Variants in ARHGEF3 observed in about 807,000 individuals in gnomAD.
ARHGEF3 encodes Rho guanine nucleotide exchange factor 3.
ARHGEF3 carries 28 observed loss-of-function variants against 63.2 expected under a neutral mutation model. The observed-to-expected ratio is 0.44, with a 90% CI of 0.33 to 0.61. The LOEUF (loss-of-function observed/expected upper bound fraction) is 0.61, where lower values mean the gene tolerates loss of function less well. Among genes scored for constraint, ARHGEF3 ranks in the 20% least tolerant of loss-of-function variants. The pLI is 0.03. For missense variants in ARHGEF3, 533 were observed against 659.3 expected (o/e 0.81, Z 2.10); for synonymous variants, 266 against 254.2 (o/e 1.05, Z -0.44).
chr3:57,045,786 A>G (rs1302770899), intron 1 of ARHGEF3, among the ~76,000 whole-genome samples: 1 of 152,252 alleles, frequency 6.6e-6, no homozygotes, highest in Admixed American at 6.5e-5. Flanking sequence ...AAATGGCCCT[A>G]GAAATGGTCT....
At chr3:56,966,497 T>C (rs1700500379) in intron 2 of ARHGEF3, among the ~76,000 whole-genome samples, 1 of 152,170 alleles carries the variant, frequency 6.6e-6, no homozygotes, top group Non-Finnish European at 1.5e-5. Context: ...TAATAACATA[T>C]ATTAGCTGGT....
intron 4 of ARHGEF3, among the ~76,000 whole-genome samples, chr3:56,864,396 C>T (rs1257951382): frequency 6.6e-6 from 1 of 152,226 alleles, no homozygotes. Flanking sequence ...CTGGTTAACA[C>T]CTTACCTTCT....
At chr3:56,983,444 T>C (rs1037131621) in intron 2 of ARHGEF3, among the ~76,000 whole-genome samples, 46 of 152,340 alleles carry the variant, frequency 3.0e-4, no homozygotes, top group African/African-American at 1.1e-3. Flanking sequence ...TGGTGATCCC[T>C]GGCCTGGTGT....
chr3:56,933,515 G>C (rs2042467862), intron 3 of ARHGEF3, among the ~76,000 whole-genome samples: 1 of 151,616 alleles, frequency 6.6e-6, no homozygotes, highest in Non-Finnish European at 1.5e-5. Flanking sequence ...GACCTCCTGG[G>C]CTCAGGTGAT....
At chr3:56,738,285 G>T (rs900199814) in intron 7 of ARHGEF3, among the ~76,000 whole-genome samples, 1 of 151,998 alleles carries the variant, frequency 6.6e-6, no homozygotes, top group East Asian at 1.9e-4. Flanking sequence ...TGATCCCCCT[G>T]CCTCAGCCTC....
At chr3:57,074,052 C>G in intron 1 of ARHGEF3, 1 of 1,614,162 alleles carries the variant, frequency 6.2e-7, no homozygotes, top group Admixed American at 1.7e-5. Context: ...CAGTTGTGAG[C>G]AAGTTATTCA....
intron 2 of ARHGEF3, among the ~76,000 whole-genome samples, chr3:56,760,282 G>T (rs945781840): frequency 6.6e-6 from 1 of 151,216 alleles, no homozygotes; most frequent in African/African-American, 2.5e-5. Context: ...CATCAACAAG[G>T]TATTATTATC....
intron 2 of ARHGEF3, among the ~76,000 whole-genome samples, chr3:56,756,946 C>T (rs577515123): frequency 1.3e-5 from 2 of 152,170 alleles, no homozygotes; most frequent in Admixed American, 6.5e-5. Context: ...TCCCCCAGAG[C>T]AATTCAGACA....
chr3:56,943,127 T>C (rs1304746542), intron 3 of ARHGEF3, among the ~76,000 whole-genome samples: 1 of 151,986 alleles, frequency 6.6e-6, no homozygotes, highest in Admixed American at 6.6e-5. Context: ...AACAACAGAT[T>C]TTCAATGTAG....
intron 1 of ARHGEF3, among the ~76,000 whole-genome samples, chr3:57,044,690 G>A (rs540642535): frequency 5.3e-5 from 8 of 152,276 alleles, no homozygotes; most frequent in African/African-American, 1.7e-4. Context: ...ATTTGGGGAG[G>A]TTTGGGGAGA....
chr3:56,768,846 T>C (rs2035857901), intron 2 of ARHGEF3, among the ~76,000 whole-genome samples: 1 of 152,202 alleles, frequency 6.6e-6, no homozygotes, highest in South Asian at 2.1e-4. Context: ...AGGCTGAGAC[T>C]GACAGAGATG....
rs150429298 is a variant in ARHGEF3 at position 56,751,484 on chromosome 3, C to T, written c.439-88G>A. On this transcript the variant is annotated intron_variant, in intron 4 of 9. Transcript: ENST00000296315. Reference sequence around the variant, plus strand: ...GTAAGTGGCTCCTGAGAGGTCCTATCCAATAACAAAACTTCTGGCTCTCTA... The same window carrying T: ...GTAAGTGGCTCCTGAGAGGTCCTATTCAATAACAAAACTTCTGGCTCTCTA... 5.3e-3 allele frequency: 5,795 copies of T among 1,083,182 alleles called. 27 individuals carry two copies. The highest frequency in any genetic ancestry group is 7.2e-3 in the Non-Finnish European group (5,244 of 723,776). 67.1% of individuals were successfully genotyped at this position (1,083,182 alleles called of 1,614,324 possible).
chr3:57,077,714 A>G (rs1233302254), intron 1 of ARHGEF3, among the ~76,000 whole-genome samples: 2 of 152,096 alleles, frequency 1.3e-5, no homozygotes, highest in Admixed American at 6.5e-5. Context: ...ATCAAGTGAA[A>G]TCTACCCACC....
Position 56,755,049 on chromosome 3 carries a change from G to C in ARHGEF3, c.307C>G (p.Leu103Val). 6.2e-7 allele frequency: 1 copy of C among 1,614,124 alleles called. No homozygotes were observed. Among genetic ancestry groups the C allele is most frequent in the East Asian group, 2.2e-5 (1 of 44,866 alleles). ...PSSTKRRDSK[L>V]WSETFDVCVN... ...CACACATCGAAGGTCTCACTCCACA[G>C]CTTGCTATCTCTCCGTTTCGTGCTC... The change falls in exon 3 of 10, where the codon CTG becomes GTG. Residue 103 changes from leucine to valine, a missense_variant. By Grantham distance (32) the Leu-to-Val change is conservative (BLOSUM62 1). Coordinates refer to ENST00000296315, the MANE Select transcript of ARHGEF3 (RefSeq NM_019555.3).
Position 56,745,237 on chromosome 3 carries a change from C to T in ARHGEF3, c.838G>A (p.Asp280Asn), listed in dbSNP as rs1438195552. Reference protein sequence around the residue: ...LREILRHTPNDNPDQQHLEEA... With the variant: ...LREILRHTPNNNPDQQHLEEA... ...TCCAAGTGCTGCTGATCTGGATTAT[C>T]ATTTGGTGTGTGCCTCAAGATTTCT... The change falls in exon 7 of 10, where the codon GAT becomes AAT. Residue 280 changes from aspartate (D) to asparagine (N), a missense_variant. Transcript: ENST00000296315. 1 of 1,613,874 alleles carries T rather than the reference C, an allele frequency of 6.2e-7. No individual in the cohort carries two copies. Among genetic ancestry groups the T allele is most frequent in the Non-Finnish European group, 8.5e-7 (1 of 1,180,010 alleles).
intron 2 of ARHGEF3, among the ~76,000 whole-genome samples, chr3:56,764,230 G>T (rs564920796): frequency 1.3e-5 from 2 of 152,264 alleles, no homozygotes; most frequent in East Asian, 3.9e-4. Flanking sequence ...AATTTGCATA[G>T]TGCAAGTCCA....
At chr3:56,857,877 C>T (rs1246575849) in intron 4 of ARHGEF3, among the ~76,000 whole-genome samples, 1 of 152,186 alleles carries the variant, frequency 6.6e-6, no homozygotes, top group African/African-American at 2.4e-5. Flanking sequence ...ATGCTTTAGC[C>T]TTTGCATAGC....
chr3:57,062,580 C>T (rs1705288478), intron 1 of ARHGEF3, among the ~76,000 whole-genome samples: 1 of 152,180 alleles, frequency 6.6e-6, no homozygotes, highest in African/African-American at 2.4e-5. Flanking sequence ...CCCAGTAGTA[C>T]TGAACAAAAC....
intron 4 of ARHGEF3, among the ~76,000 whole-genome samples, chr3:56,843,848 G>A (rs944390322): frequency 3.9e-5 from 6 of 152,110 alleles, no homozygotes; most frequent in Non-Finnish European, 7.4e-5. Context: ...TTCAGGAAAA[G>A]TAATACATGA....
Sources: allele counts gnomAD v4.1 joint callset (sites outside exome capture counted in the v4.1 genomes callset), GRCh38; gene constraint gnomAD v4.1.1; transcripts MANE v1.5; gene names NCBI Gene and HGNC (gene_info 2026-07-23, HGNC 2026-07-21).